SMAD2: variants seen among roughly 807,000 people sequenced by gnomAD.
SMAD2 encodes SMAD family member 2.
Under a neutral mutation model 64.4 loss-of-function variants are expected in SMAD2, and 8 were observed. That is an observed-to-expected ratio of 0.12 (90% confidence interval 0.07 to 0.22). The LOEUF is 0.22. Ranked by LOEUF, SMAD2 falls within the 10% of genes least tolerant of loss-of-function variation. SMAD2 has a pLI of 1.00. For synonymous variants in SMAD2, 203 were observed against 195.8 expected (o/e 1.04, Z -0.31); for missense variants, 289 against 561.2 (o/e 0.51, Z 4.90).
At position 47,869,340 on chromosome 18, in the gene SMAD2, A is replaced by T. The variant is rs749306809; in HGVS notation, c.423T>A (p.His141Gln). 2.5e-6 allele frequency: 4 copies of T among 1,613,754 alleles called. No homozygotes were observed. Reference sequence around the variant, plus strand: ...CGCAGTTTTCAATTGCCTTGAGTTCATGATGACTGTGAAGATCAGGCCAGC... The same window carrying T: ...CGCAGTTTTCAATTGCCTTGAGTTCTTGATGACTGTGAAGATCAGGCCAGC... The part of the protein sequence containing the change: ...LWRWPDLHSH[H>Q]ELKAIENCEY... The change falls in exon 4 of 11, where the codon CAT becomes CAA. Residue 141 changes from histidine (H) to glutamine (Q), a missense_variant. By Grantham distance (24) the His-to-Gln change is conservative. Transcript: ENST00000262160.
In SMAD2 at chr18:47,833,166, G is replaced by A. The variant is rs766442305; in HGVS notation, c.*8661C>T. The A allele has an allele frequency of 9.7e-6, 2 of 205,178 alleles. No individual in the cohort carries two copies. The highest frequency in any genetic ancestry group is 1.0e-5 in the Non-Finnish European group (1 of 99,920). The allele number at this position is 205,178 out of a possible 1,614,324, so 12.7% of individuals were successfully genotyped here. A position where few individuals can be genotyped will look rare whatever the true frequency, so the allele number is the denominator to read the frequency against. On this transcript the variant is annotated 3_prime_UTR_variant, in exon 11 of 11. Transcript: ENST00000262160. ...CTGTCCACCTTTCAACGGTGACAGG[G>A]CTGTTAACACAGGTAAGAGCAAACA...
Position 47,817,426 on chromosome 18 carries a change from T to A in SMAD2, c.*24401A>T, listed in dbSNP as rs1912409165. On this transcript the variant is annotated 3_prime_UTR_variant, in exon 11 of 11. Coordinates refer to ENST00000262160, the MANE Select transcript of SMAD2 (RefSeq NM_005901.6). ...GTCTTTCCTGGCAAGTCCTTTTTGA[T>A]ATAAAGACAAGTGTCCCTCTGGTTT... 1 of 152,232 alleles carries A rather than the reference T, an allele frequency of 6.6e-6. No homozygotes were observed. Among genetic ancestry groups the A allele is most frequent in the Non-Finnish European group, 1.5e-5 (1 of 68,054 alleles). 9.4% of individuals were successfully genotyped at this position (152,232 alleles called of 1,614,324 possible). A position where few individuals can be genotyped will look rare whatever the true frequency, so the allele number is the denominator to read the frequency against.
intron 2 of SMAD2, among the ~76,000 whole-genome samples, chr18:47,877,116 T>TA (rs1427261747): frequency 1.3e-5 from 2 of 152,008 alleles, no homozygotes; most frequent in East Asian, 3.8e-4. Context: ...ACCCCATTGT[T>TA]TTACTAATTT....
rs1913868625 is a variant in SMAD2 at position 47,840,793 on chromosome 18, T to TA, written c.*1033dup. On this transcript the variant is annotated 3_prime_UTR_variant, in exon 11 of 11. Transcript: ENST00000262160. ...AATACCTTTGGAAAAACGGTATTTA[T>TA]AGATTAGCTTTTTTAAAAAGGGATA... The TA allele has an allele frequency of 4.3e-6, 1 of 231,510 alleles. No individual in the cohort carries two copies. The highest frequency in any genetic ancestry group is 2.2e-5 in the African/African-American group (1 of 45,280). 14.3% of individuals were successfully genotyped at this position (231,510 alleles called of 1,614,324 possible).
chr18:47,922,167 G>T (rs1439322909), intron 1 of SMAD2, among the ~76,000 whole-genome samples: 1 of 152,200 alleles, frequency 6.6e-6, no homozygotes, highest in Non-Finnish European at 1.5e-5. Flanking sequence ...TCTTCAAACT[G>T]CAGGAAAATA....
Position 47,832,978 on chromosome 18 carries a change from A to AT in SMAD2, c.*8848dup, listed in dbSNP as rs1307218522. ...TTAAAATCATATGTCCATATGTGAA[A>AT]TACAATCACTTTTTTTGGTTTCCAT... On this transcript the variant is annotated 3_prime_UTR_variant, in exon 11 of 11. Transcript: ENST00000262160. 9 of 171,258 alleles carry AT rather than the reference A, an allele frequency of 5.3e-5. No homozygotes were observed. The highest frequency in any genetic ancestry group is 1.1e-4 in the Non-Finnish European group (9 of 78,906). 10.6% of individuals were successfully genotyped at this position (171,258 alleles called of 1,614,324 possible). A position where few individuals can be genotyped will look rare whatever the true frequency, so the allele number is the denominator to read the frequency against.
At chr18:47,885,130 TATACACACACACACAC>T (rs1282638578) in intron 2 of SMAD2, among the ~76,000 whole-genome samples, 9 of 64,272 alleles carry the variant, frequency 1.4e-4, no homozygotes, top group East Asian at 8.4e-4. Flanking sequence ...GATTTAGTCA[TATACACACACACACAC>T]ACACACACAC....
chr18:47,809,224 G>T lies in SMAD2; in HGVS notation c.*32603C>A, dbSNP rs1912124513. The T allele has an allele frequency of 6.6e-6, 1 of 152,288 alleles. No individual in the cohort carries two copies. Among genetic ancestry groups the T allele is most frequent in the African/African-American group, 2.4e-5 (1 of 41,456 alleles). 9.4% of individuals were successfully genotyped at this position (152,288 alleles called of 1,614,324 possible). A position where few individuals can be genotyped will look rare whatever the true frequency, so the allele number is the denominator to read the frequency against. On this transcript the variant is annotated 3_prime_UTR_variant, in exon 11 of 11. Coordinates refer to ENST00000262160, the MANE Select transcript of SMAD2 (RefSeq NM_005901.6). The stretch of plus-strand genomic sequence containing the variant: ...GGAAAGAGGCAGTCCCTGTACTTGG[G>T]GGTCAGATAGGAAGCATTCCAGTTT...
intron 6 of SMAD2, among the ~76,000 whole-genome samples, chr18:47,858,172 C>A (rs2030880521): frequency 6.6e-6 from 1 of 151,956 alleles, no homozygotes; most frequent in Non-Finnish European, 1.5e-5. Context: ...AAAATGACCC[C>A]ATAATCAAGA....
intron 6 of SMAD2, among the ~76,000 whole-genome samples, chr18:47,858,239 G>A (rs1020551400): frequency 5.3e-5 from 8 of 151,948 alleles, no homozygotes; most frequent in Non-Finnish European, 8.8e-5. Context: ...ACAAATTATC[G>A]AAGACTTTAA....
rs1912647101 is a variant in SMAD2, at chr18:47,823,632, T to G, written c.*18195A>C. On this transcript the variant is annotated 3_prime_UTR_variant, in exon 11 of 11. Coordinates refer to ENST00000262160, the MANE Select transcript of SMAD2 (RefSeq NM_005901.6). ...TCACCATACCAACCAATGCCATAGC[T>G]AGAGACATTCAAACTGCAAACCAGG... 6.6e-6 allele frequency: 1 copy of G among 152,182 alleles called. No individual in the cohort carries two copies. Among genetic ancestry groups the G allele is most frequent in the African/African-American group, 2.4e-5 (1 of 41,428 alleles). The allele number at this position is 152,182 out of a possible 1,614,324, so 9.4% of individuals were successfully genotyped here.
intron 1 of SMAD2, among the ~76,000 whole-genome samples, chr18:47,929,642 G>C (rs892047846): frequency 6.6e-6 from 1 of 152,032 alleles, no homozygotes. Context: ...GCTTTTAAAG[G>C]GTCAAGAGAA....
Position 47,832,596 on chromosome 18 carries a change from AAAGG to A in SMAD2, c.*9227_*9230del, listed in dbSNP as rs1199177879. 2.6e-5 allele frequency: 4 copies of A among 152,206 alleles called. No individual in the cohort carries two copies. Among genetic ancestry groups the A allele is most frequent in the Middle Eastern group, 3.2e-3 (1 of 316 alleles). The allele number at this position is 152,206 out of a possible 1,614,324, so 9.4% of individuals were successfully genotyped here. A position where few individuals can be genotyped will look rare whatever the true frequency, so the allele number is the denominator to read the frequency against. ...ACAGAACTGAATTCTTGCAAGGCAC[AAAGG>A]AAGTGTGGCTGACCTAAATATTTCT... is the stretch of plus-strand genomic sequence containing the variant. On this transcript the variant is annotated 3_prime_UTR_variant, in exon 11 of 11. Transcript: ENST00000262160.
chr18:47,897,641 T>C (rs180680175), intron 1 of SMAD2, among the ~76,000 whole-genome samples: 4 of 152,312 alleles, frequency 2.6e-5, no homozygotes, highest in Admixed American at 2.0e-4. Flanking sequence ...ATTTTTTTAT[T>C]TTTATTTTTT....
chr18:47,894,251 C>G (rs140108096), intron 2 of SMAD2, among the ~76,000 whole-genome samples: 21 of 152,260 alleles, frequency 1.4e-4, no homozygotes, highest in African/African-American at 4.8e-4. Context: ...TCACACAGCT[C>G]CCTTCAATCA....
rs567196857 is a variant in SMAD2, at chr18:47,825,289, A to G, written c.*16538T>C. ...AAATGTATGATGAGATTTTATCTTC[A>G]TTGTGGTGGTGTTGAGAGCTGGGGC... is the stretch of plus-strand genomic sequence containing the variant. On this transcript the variant is annotated 3_prime_UTR_variant, in exon 11 of 11. Coordinates refer to ENST00000262160, the MANE Select transcript of SMAD2 (RefSeq NM_005901.6). 1.3e-5 allele frequency: 2 copies of G among 152,188 alleles called. No homozygotes were observed. Among genetic ancestry groups the G allele is most frequent in the Non-Finnish European group, 2.9e-5 (2 of 68,054 alleles). 9.4% of individuals were successfully genotyped at this position (152,188 alleles called of 1,614,324 possible). A position where few individuals can be genotyped will look rare whatever the true frequency, so the allele number is the denominator to read the frequency against.
At position 47,840,148 on chromosome 18, in the gene SMAD2, G is replaced by A. The variant is rs536675735; in HGVS notation, c.*1679C>T. On this transcript the variant is annotated 3_prime_UTR_variant, in exon 11 of 11. Transcript: ENST00000262160. ...CACATACATATACACACAAATATAG[G>A]AAAATGGGGAGTACCCAATAGAAAA... 2.1e-5 allele frequency: 5 copies of A among 233,062 alleles called. No individual in the cohort carries two copies. In the East Asian group the frequency reaches 3.0e-4, roughly 14 times the overall value. The allele number at this position is 233,062 out of a possible 1,614,324, so 14.4% of individuals were successfully genotyped here.
At chr18:47,928,517 G>T (rs2034859669) in intron 1 of SMAD2, among the ~76,000 whole-genome samples, 1 of 152,138 alleles carries the variant, frequency 6.6e-6, no homozygotes, top group Non-Finnish European at 1.5e-5. Context: ...AAGTTCTGTT[G>T]AAATACCAAA....
chr18:47,907,891 T>C (rs1313801003), intron 1 of SMAD2, among the ~76,000 whole-genome samples: 1 of 152,206 alleles, frequency 6.6e-6, no homozygotes, highest in Non-Finnish European at 1.5e-5. Context: ...GCCGAGATCG[T>C]GCCACTGCAC....
Sources: allele counts gnomAD v4.1 joint callset (sites outside exome capture counted in the v4.1 genomes callset), GRCh38; gene constraint gnomAD v4.1.1; transcripts MANE v1.5; gene names NCBI Gene and HGNC (gene_info 2026-07-23, HGNC 2026-07-21).